RFX4: variants seen among roughly 807,000 people sequenced by gnomAD.
The protein encoded by RFX4 is regulatory factor X4.
In RFX4, 10 loss-of-function variants were observed where a neutral mutation model predicts 95.0. The observed-to-expected ratio is 0.11, with a 90% CI of 0.06 to 0.18. RFX4 has a LOEUF of 0.18. Among genes scored for constraint, RFX4 ranks in the 10% least tolerant of loss-of-function variants. RFX4 has a pLI of 1.00. For synonymous variants in RFX4, 321 were observed against 340.7 expected (o/e 0.94, Z 0.64); for missense variants, 640 against 922.0 (o/e 0.69, Z 3.96).
intron 8 of RFX4, among the ~76,000 whole-genome samples, chr12:106,700,407 T>TC (rs1162547146): frequency 7.0e-6 from 1 of 142,906 alleles, no homozygotes; most frequent in African/African-American, 2.6e-5. Context: ...CTTTTTCTTT[T>TC]TTTTTTTTTT....
chr12:106,721,011 G>A, intron 13 of RFX4, 135 bp downstream of exon 13: 1 of 727,172 alleles, frequency 1.4e-6, no homozygotes, highest in Non-Finnish European at 2.4e-6. Context: ...GGGGAGACAT[G>A]ACATTGTTAG....
intron 10 of RFX4, among the ~76,000 whole-genome samples, chr12:106,713,521 C>T (rs899086655): frequency 2.0e-5 from 3 of 152,154 alleles, no homozygotes; most frequent in South Asian, 2.1e-4. Flanking sequence ...CTGGAGCGTA[C>T]ATTGTAGTGG....
intron 8 of RFX4, among the ~76,000 whole-genome samples, chr12:106,704,855 C>G (rs35379085): frequency 2.6e-5 from 4 of 151,512 alleles, no homozygotes; most frequent in African/African-American, 4.9e-5. Context: ...GTGTGTGTGT[C>G]GTATGGGCAG....
chr12:106,649,990 T>C lies in RFX4; in HGVS notation c.192-4238T>C, dbSNP rs550613351. ...CCAGAACTATTATAGTAGCTCCTAA[T>C]TGGTCTCCTGTGTTCATTCATTCAT... On this transcript the variant is annotated intron_variant, in intron 3 of 17. Transcript: ENST00000392842. Among the ~76,000 whole-genome samples the C allele has an allele frequency of 3.8e-3, 577 of 152,312 alleles. 1 individual carries two copies. The highest frequency in any genetic ancestry group is 4.5e-3 in the Non-Finnish European group (307 of 68,034).
At chr12:106,664,755 G>T (rs1283483535) in intron 4 of RFX4, among the ~76,000 whole-genome samples, 1 of 151,372 alleles carries the variant, frequency 6.6e-6, no homozygotes, top group East Asian at 1.9e-4. Context: ...TTTTCATTTG[G>T]TTCAAATATT....
chr12:106,687,173 C>CTCTCTCTCTA, intron 6 of RFX4, 76 bp downstream of exon 6: 1 of 789,160 alleles, frequency 1.3e-6, no homozygotes, highest in Non-Finnish European at 2.0e-6. Context: ...CTCTATCTCT[C>CTCTCTCTCTA]TCTCTCTCTC....
chr12:106,583,205 T>C lies in RFX4; in HGVS notation c.-116T>C, dbSNP rs948897334. 10 of 893,706 alleles carry C rather than the reference T, an allele frequency of 1.1e-5. No homozygotes were observed. The highest frequency in any genetic ancestry group is 3.0e-5 in the Admixed American group (1 of 32,952). The allele number at this position is 893,706 out of a possible 1,614,324, so 55.4% of individuals were successfully genotyped here. A position where few individuals can be genotyped will look rare whatever the true frequency, so the allele number is the denominator to read the frequency against. On this transcript the variant is annotated 5_prime_UTR_variant, in exon 1 of 18. Coordinates refer to ENST00000392842, the MANE Select transcript of RFX4 (RefSeq NM_213594.3). ...TCCTTGTGCCCCCTCACTTTCTGCGTCTCTCTCTCTCCCCTTCTCCCTCCC... is the reference window on the plus strand; with the variant it reads ...TCCTTGTGCCCCCTCACTTTCTGCGCCTCTCTCTCTCCCCTTCTCCCTCCC...
chr12:106,629,013 C>T (rs1183814050), intron 2 of RFX4, among the ~76,000 whole-genome samples: 1 of 152,128 alleles, frequency 6.6e-6, no homozygotes, highest in East Asian at 1.9e-4. Context: ...CTGGCCTTGG[C>T]CTCCCAAAGT....
At chr12:106,728,383 T>C (rs2042545797) in intron 13 of RFX4, among the ~76,000 whole-genome samples, 1 of 152,100 alleles carries the variant, frequency 6.6e-6, no homozygotes, top group Middle Eastern at 3.4e-3. Context: ...CATATGGAAG[T>C]AGTCAATGCT....
At chr12:106,640,604 G>A (rs2040601782) in intron 3 of RFX4, among the ~76,000 whole-genome samples, 1 of 151,940 alleles carries the variant, frequency 6.6e-6, no homozygotes, top group South Asian at 2.1e-4. Flanking sequence ...CATTGCATTT[G>A]CTGCTTTTTG....
At chr12:106,645,182 T>C (rs1014219090) in intron 3 of RFX4, among the ~76,000 whole-genome samples, 1 of 152,134 alleles carries the variant, frequency 6.6e-6, no homozygotes, top group Non-Finnish European at 1.5e-5. Context: ...TGCCAAACAC[T>C]TTCCAGCATC....
intron 4 of RFX4, among the ~76,000 whole-genome samples, chr12:106,679,072 T>C (rs1306538926): frequency 6.6e-6 from 1 of 152,224 alleles, no homozygotes; most frequent in Non-Finnish European, 1.5e-5. Context: ...AATGATATCA[T>C]CAGCCATCTG....
At chr12:106,637,592 G>T (rs958643738) in intron 2 of RFX4, among the ~76,000 whole-genome samples, 2 of 151,960 alleles carry the variant, frequency 1.3e-5, no homozygotes, top group Non-Finnish European at 2.9e-5. Flanking sequence ...TCTTGAGATT[G>T]TTATTTATCC....
chr12:106,758,144 G>C (rs2043143173), intron 17 of RFX4, among the ~76,000 whole-genome samples: 2 of 152,192 alleles, frequency 1.3e-5, no homozygotes, highest in African/African-American at 4.8e-5. Flanking sequence ...CATGCTTAAG[G>C]ACCCTGTATG....
intron 2 of RFX4, among the ~76,000 whole-genome samples, chr12:106,623,321 C>A (rs764359089): frequency 6.6e-6 from 1 of 152,036 alleles, no homozygotes; most frequent in Non-Finnish European, 1.5e-5. Context: ...CTGTGCCTGA[C>A]CCAGCATTAG....
At chr12:106,612,917 C>A (rs1336994241) in intron 2 of RFX4, among the ~76,000 whole-genome samples, 2 of 151,298 alleles carry the variant, frequency 1.3e-5, no homozygotes, top group Non-Finnish European at 2.9e-5. Flanking sequence ...GCTTTTATTT[C>A]TTTTTCTTGC....
At chr12:106,617,268 T>G (rs10861638) in intron 2 of RFX4, among the ~76,000 whole-genome samples, 17,104 of 152,176 alleles carry the variant, frequency 0.11, 972 homozygotes, top group South Asian at 0.17. Flanking sequence ...TTATTTTTCT[T>G]TCTTCCTTCT....
At chr12:106,627,854 A>G (rs918021414) in intron 2 of RFX4, among the ~76,000 whole-genome samples, 2 of 152,202 alleles carry the variant, frequency 1.3e-5, no homozygotes, top group Non-Finnish European at 1.5e-5. Flanking sequence ...TTGTATTTCC[A>G]CTGAGATGTA....
intron 13 of RFX4, among the ~76,000 whole-genome samples, chr12:106,728,173 T>C (rs1446686557): frequency 2.0e-5 from 3 of 152,024 alleles, no homozygotes; most frequent in Non-Finnish European, 2.9e-5. Context: ...TATATTACCA[T>C]ATAACAATAA....
Sources: allele counts gnomAD v4.1 joint callset (sites outside exome capture counted in the v4.1 genomes callset), GRCh38; gene constraint gnomAD v4.1.1; transcripts MANE v1.5; gene names NCBI Gene and HGNC (gene_info 2026-07-23, HGNC 2026-07-21).